Variants in CADPS observed in about 807,000 individuals in gnomAD.
CADPS encodes calcium-dependent secretion activator 1.
In CADPS, 57 loss-of-function variants were observed where a neutral mutation model predicts 167.3. That is an observed-to-expected ratio of 0.34 (90% CI 0.28 to 0.42). CADPS has a LOEUF of 0.42. CADPS is among the 20% of genes least tolerant of loss of function. CADPS has a pLI of 1.00. For synonymous variants in CADPS, 676 were observed against 635.3 expected, an observed-to-expected ratio of 1.06 and a Z score of -0.96; for missense variants, 1,414 against 1,738.1, an observed-to-expected ratio of 0.81 and a Z score of 3.32.
chr3:62,711,508 T>C (rs2083385244), intron 3 of CADPS, among the ~76,000 whole-genome samples: 1 of 152,212 alleles, frequency 6.6e-6, no homozygotes, highest in Admixed American at 6.5e-5. Flanking sequence ...CCTGAATTCT[T>C]TGTGTAAGAT....
intron 1 of CADPS, among the ~76,000 whole-genome samples, chr3:62,823,333 C>T (rs1338654552): frequency 2.0e-5 from 3 of 152,128 alleles, no homozygotes; most frequent in Non-Finnish European, 1.5e-5. Flanking sequence ...TATTTTTAGG[C>T]ATACAGTGCT....
chr3:62,776,510 C>T lies in CADPS; in HGVS notation c.442-10526G>A, dbSNP rs537430801. Among the ~76,000 whole-genome samples the T allele has an allele frequency of 5.8e-4, 89 of 152,170 alleles. 1 individual carries two copies. In the South Asian group the frequency reaches 0.011, roughly 19 times the overall value. ...TCTACTAAAAATACAAAAAATTAGC[C>T]GGGCATGGTGGCGGGCGCCTGTAGT... On this transcript the variant is annotated intron_variant, in intron 1 of 29. Transcript: ENST00000383710.
chr3:62,422,497 TTTTC>T lies in CADPS; in HGVS notation c.3777+15603_3777+15606del, dbSNP rs557789927. On this transcript the variant is annotated intron_variant, in intron 28 of 29. Coordinates refer to ENST00000383710, the MANE Select transcript of CADPS (RefSeq NM_003716.4). Reference sequence around the variant, plus strand: ...TCCTTTCTTCCTTCCTTTCTCTTTCTTTTCTTTCTTTCCTCTTTTCTTTTCCTTC... The same window carrying T: ...TCCTTTCTTCCTTCCTTTCTCTTTCTTTTCTTTCCTCTTTTCTTTTCCTTC... Among the ~76,000 whole-genome samples the T allele has an allele frequency of 2.4e-3, 367 of 152,278 alleles. 3 individuals are homozygous for T. Among genetic ancestry groups the T allele is most frequent in the African/African-American group, 8.3e-3 (347 of 41,562 alleles).
At chr3:62,862,814 GAC>G (rs1354600008) in intron 1 of CADPS, among the ~76,000 whole-genome samples, 1 of 152,220 alleles carries the variant, frequency 6.6e-6, no homozygotes, top group Non-Finnish European at 1.5e-5. Flanking sequence ...ATTCAAGTCT[GAC>G]AGTGCAATGG....
chr3:62,661,177 T>C (rs2073119172), intron 4 of CADPS, among the ~76,000 whole-genome samples: 1 of 151,514 alleles, frequency 6.6e-6, no homozygotes, highest in African/African-American at 2.4e-5. Flanking sequence ...TCATCAACAG[T>C]AAGACATAAC....
intron 27 of CADPS, chr3:62,439,797 C>T (rs1291451401): frequency 6.6e-6 from 1 of 152,156 alleles, no homozygotes; most frequent in Non-Finnish European, 1.5e-5. Flanking sequence ...TCAAGTGCGG[C>T]AGATCTATCA....
rs2057275540 is a variant in CADPS, at chr3:62,446,682, A to G, written c.3637-885T>C. Among the ~76,000 whole-genome samples, 1 of 152,176 alleles carries G rather than the reference A, an allele frequency of 6.6e-6. No individual in the cohort carries two copies. The highest frequency in any genetic ancestry group is 2.4e-5 in the African/African-American group (1 of 41,450). On this transcript the variant is annotated intron_variant, in intron 26 of 29. Transcript: ENST00000383710. The surrounding 1 kb of genome is among the most constrained non-coding windows in gnomAD (Gnocchi z 4.9). Reference sequence around the variant, plus strand: ...GCTAAGACGATGAATTCATAAGCAAATGTGGGTGAGTTCTGAGTACTGTGA... The same window carrying G: ...GCTAAGACGATGAATTCATAAGCAAGTGTGGGTGAGTTCTGAGTACTGTGA...
intron 8 of CADPS, among the ~76,000 whole-genome samples, chr3:62,584,788 C>T (rs2084217680): frequency 6.6e-6 from 1 of 152,202 alleles, no homozygotes; most frequent in Non-Finnish European, 1.5e-5. Context: ...CCTCTCCCTG[C>T]TGCTCACACC....
chr3:62,744,512 TG>T (rs770897797), intron 3 of CADPS, among the ~76,000 whole-genome samples: 1 of 152,168 alleles, frequency 6.6e-6, no homozygotes, highest in East Asian at 1.9e-4. Flanking sequence ...ATTATTAGCA[TG>T]GGGAATCTGG....
intron 13 of CADPS, among the ~76,000 whole-genome samples, chr3:62,525,080 A>G (rs918691748): frequency 1.3e-5 from 2 of 152,228 alleles, no homozygotes; most frequent in Non-Finnish European, 2.9e-5. Context: ...AGTTAATTCA[A>G]TGACTATGGG....
intron 1 of CADPS, among the ~76,000 whole-genome samples, chr3:62,801,811 G>A (rs2093782758): frequency 7.0e-6 from 1 of 143,424 alleles, no homozygotes; most frequent in African/African-American, 2.5e-5. Context: ...CATGAGGGAG[G>A]TGAAGGTGAG....
At chr3:62,599,720 T>A (rs1490181460) in intron 6 of CADPS, among the ~76,000 whole-genome samples, 1 of 41,420 alleles carries the variant, frequency 2.4e-5, no homozygotes, top group African/African-American at 1.4e-4. Context: ...TAATATATAA[T>A]ATATATAGTA....
At chr3:62,586,211 T>A (rs1338518798) in intron 7 of CADPS, among the ~76,000 whole-genome samples, 1 of 152,230 alleles carries the variant, frequency 6.6e-6, no homozygotes, top group Admixed American at 6.5e-5. Flanking sequence ...CTGGGCTTGC[T>A]AAGATTTGCT....
chr3:62,434,006 A>G (rs1041739598), intron 28 of CADPS, among the ~76,000 whole-genome samples: 1 of 152,158 alleles, frequency 6.6e-6, no homozygotes, highest in Non-Finnish European at 1.5e-5. Flanking sequence ...AGGAATATGG[A>G]GATTATTTCA....
chr3:62,570,859 A>G lies in CADPS; in HGVS notation c.1644+13T>C. 6.4e-7 allele frequency: 1 copy of G among 1,568,716 alleles called. No individual in the cohort carries two copies. The highest frequency in any genetic ancestry group is 8.8e-7 in the Non-Finnish European group (1 of 1,138,658). On this transcript the variant is annotated intron_variant, in intron 9 of 29. Transcript: ENST00000383710. ...TAATACTGATGTCTCTTAAGAGTTG[A>G]AGAGTTAGTTACCTGCACCAATACA...
In CADPS at chr3:62,695,969, G is replaced by A. The variant is rs184952794; in HGVS notation, c.889-33575C>T. Among the ~76,000 whole-genome samples the A allele has an allele frequency of 2.4e-4, 37 of 152,032 alleles. 1 individual carries two copies. Among genetic ancestry groups the A allele is most frequent in the Admixed American group, 2.0e-4 (3 of 15,268 alleles). On this transcript the variant is annotated intron_variant, in intron 3 of 29. Coordinates refer to ENST00000383710, the MANE Select transcript of CADPS (RefSeq NM_003716.4). ...GGGTCTTTATTCTGAACGCTCCCAC[G>A]TATACACGTTAAATAAATTTGTATG...
At chr3:62,684,767 C>G (rs2077701118) in intron 3 of CADPS, among the ~76,000 whole-genome samples, 1 of 151,960 alleles carries the variant, frequency 6.6e-6, no homozygotes, top group African/African-American at 2.4e-5. Context: ...TCAGCAGATT[C>G]TATGCACCTG....
intron 6 of CADPS, among the ~76,000 whole-genome samples, chr3:62,633,458 C>T (rs540239663): frequency 2.2e-4 from 34 of 152,092 alleles, no homozygotes; most frequent in Non-Finnish European, 4.0e-4. Context: ...GATCTGGCCC[C>T]GCCAGCCTTG....
intron 6 of CADPS, chr3:62,626,035 G>A (rs1040610252): frequency 4.6e-5 from 7 of 150,944 alleles, no homozygotes; most frequent in African/African-American, 1.5e-4. Context: ...TTATTTATTT[G>A]TGTCCTGGGA....
Sources: allele counts gnomAD v4.1 joint callset (sites outside exome capture counted in the v4.1 genomes callset), GRCh38; gene constraint gnomAD v4.1.1; non-coding constraint Gnocchi (gnomAD v3.1); transcripts MANE v1.5; gene names NCBI Gene and HGNC (gene_info 2026-07-23, HGNC 2026-07-21).